The following ZC3H6 variants were observed in gnomAD, a reference collection of about 807,000 sequenced individuals.
ZC3H6 encodes zinc finger CCCH-type containing 6, also known as zinc finger CCCH domain-containing protein 6.
A neutral mutation model predicts 107.7 loss-of-function variants in ZC3H6; 40 were observed. That is an observed-to-expected ratio of 0.37 (90% confidence interval 0.29 to 0.48). The LOEUF (loss-of-function observed/expected upper bound fraction) is 0.48. Ranked by LOEUF, ZC3H6 falls within the 20% of genes least tolerant of loss-of-function variation. ZC3H6 has a pLI of 0.98. For missense variants in ZC3H6, 1,267 were observed against 1,410.4 expected (o/e 0.90, Z 1.63); for synonymous variants, 493 against 487.9 (o/e 1.01, Z -0.14).
Position 112,324,640 on chromosome 2 carries a change from T to A in ZC3H6, c.1829T>A (p.Phe610Tyr). 1.2e-6 allele frequency: 2 copies of A among 1,604,306 alleles called. No individual in the cohort carries two copies. Among genetic ancestry groups the A allele is most frequent in the Non-Finnish European group, 8.5e-7 (1 of 1,174,330 alleles). ...NYYAQHSIHN[F>Y]QPPNNSGDGM... ...TATGCACAGCATTCTATACATAATT[T>A]TCAGCCACCCAATAACTCTGGTGGT... Residue 610 changes from phenylalanine to tyrosine, a missense_variant, in exon 10 of 12, where the codon TTT (phenylalanine) becomes TAT (tyrosine). Transcript: ENST00000409871.
intron 7 of ZC3H6, among the ~76,000 whole-genome samples, chr2:112,318,229 A>C (rs1676738049): frequency 6.6e-6 from 1 of 152,252 alleles, no homozygotes; most frequent in South Asian, 2.1e-4. Flanking sequence ...TACCAGAGGA[A>C]TACATGATGA....
intron 11 of ZC3H6, among the ~76,000 whole-genome samples, chr2:112,326,695 C>T (rs1034292522): frequency 1.3e-5 from 2 of 152,172 alleles, no homozygotes; most frequent in African/African-American, 4.8e-5. Context: ...TCACTGCAAC[C>T]TCTCCCTCCC....
intron 1 of ZC3H6, among the ~76,000 whole-genome samples, chr2:112,276,869 T>G (rs1248618724): frequency 6.6e-6 from 1 of 152,226 alleles, no homozygotes; most frequent in African/African-American, 2.4e-5. Context: ...TTCATTAAAC[T>G]TACTGAAACA....
chr2:112,296,608 T>TA (rs1676240320), intron 1 of ZC3H6, among the ~76,000 whole-genome samples: 1 of 152,214 alleles, frequency 6.6e-6, no homozygotes, highest in African/African-American at 2.4e-5. Flanking sequence ...GACTGCCTCA[T>TA]AAGCAATTTT....
At chr2:112,303,386 G>A (rs1409484733) in intron 3 of ZC3H6, 35 bp downstream of exon 3, 4 of 1,536,188 alleles carry the variant, frequency 2.6e-6, no homozygotes, top group Non-Finnish European at 3.6e-6. Flanking sequence ...ATAAAACATA[G>A]ATAGCATAAA....
chr2:112,309,802 G>A (rs1338489599), intron 3 of ZC3H6, 83 bp from the exon 4 acceptor site: 3 of 1,364,918 alleles, frequency 2.2e-6, no homozygotes, highest in Non-Finnish European at 3.0e-6. Flanking sequence ...CAAACTTGCT[G>A]GGGGGAAAAG....
At chr2:112,317,905 A>G (rs1328683032) in intron 7 of ZC3H6, among the ~76,000 whole-genome samples, 1 of 152,188 alleles carries the variant, frequency 6.6e-6, no homozygotes, top group Non-Finnish European at 1.5e-5. Flanking sequence ...GCTCACTACG[A>G]CTTATGACTA....
chr2:112,296,098 G>C (rs1676226698), intron 1 of ZC3H6, among the ~76,000 whole-genome samples: 1 of 151,954 alleles, frequency 6.6e-6, no homozygotes, highest in South Asian at 2.1e-4. Context: ...TAACTTGATG[G>C]GTTTTTACAA....
chr2:112,278,978 A>T (rs72831685), intron 1 of ZC3H6, among the ~76,000 whole-genome samples: 16,521 of 152,078 alleles, frequency 0.11, 1,191 homozygotes, highest in Non-Finnish European at 0.16. Flanking sequence ...TGAATAATTT[A>T]AAAAAAATCC....
rs1038136491 is a variant in ZC3H6 at position 112,339,417 on chromosome 2, T to A, written c.*6929T>A. On this transcript the variant is annotated 3_prime_UTR_variant, in exon 12 of 12. Coordinates refer to ENST00000409871, the MANE Select transcript of ZC3H6 (RefSeq NM_198581.3). ...ACTCATTTGTATACTTGCCAAAGTTTAAAAGTTTTTTACATTCCTTACCCT... is the reference window on the plus strand; with the variant it reads ...ACTCATTTGTATACTTGCCAAAGTTAAAAAGTTTTTTACATTCCTTACCCT... 1 of 152,170 alleles carries A rather than the reference T, an allele frequency of 6.6e-6. No individual in the cohort carries two copies. The allele number at this position is 152,170 out of a possible 1,614,324, so 9.4% of individuals were successfully genotyped here.
intron 11 of ZC3H6, among the ~76,000 whole-genome samples, chr2:112,326,686 C>T (rs533864407): frequency 1.3e-5 from 2 of 152,290 alleles, no homozygotes; most frequent in African/African-American, 4.8e-5. Flanking sequence ...GATCTCGGCT[C>T]ACTGCAACCT....
At chr2:112,285,774 A>G (rs1686595368) in intron 1 of ZC3H6, among the ~76,000 whole-genome samples, 1 of 152,086 alleles carries the variant, frequency 6.6e-6, no homozygotes, top group African/African-American at 2.4e-5. Context: ...CAGCCTGGCT[A>G]ACATGGTGAA....
intron 5 of ZC3H6, among the ~76,000 whole-genome samples, chr2:112,315,780 G>T (rs955913545): frequency 1.3e-5 from 2 of 151,962 alleles, no homozygotes; most frequent in African/African-American, 4.8e-5. Flanking sequence ...TGTATTTTTA[G>T]TATGGACAGG....
intron 1 of ZC3H6, among the ~76,000 whole-genome samples, chr2:112,293,894 C>T (rs749383472): frequency 6.6e-6 from 1 of 152,144 alleles, no homozygotes; most frequent in Non-Finnish European, 1.5e-5. Context: ...TGAAACTAAA[C>T]GGGACCACAT....
At chr2:112,302,095 A>C (rs573911886) in intron 2 of ZC3H6, among the ~76,000 whole-genome samples, 1 of 152,140 alleles carries the variant, frequency 6.6e-6, no homozygotes, top group East Asian at 1.9e-4. Context: ...ACAAGGACCA[A>C]ATCTTTTCAG....
chr2:112,331,948 G>A lies in ZC3H6; in HGVS notation c.3030G>A (p.Gly1010=), dbSNP rs776017460. 5.6e-6 allele frequency: 9 copies of A among 1,613,910 alleles called. No individual in the cohort carries two copies. The highest frequency in any genetic ancestry group is 6.8e-6 in the Non-Finnish European group (8 of 1,179,872). ...ACCCTGGTTCATCACAGCCCTCAGG[G>A]GCAGGAACTAGCAATTCTGGTTCCG... The part of the protein sequence containing the change: ...RSNPGSSQPS[G]AGTSNSGSGA... The change falls in exon 12 of 12, where the codon GGG becomes GGA. Residue 1010 remains glycine, a synonymous_variant. Transcript: ENST00000409871.
At chr2:112,313,517 T>C (rs1046701078) in intron 5 of ZC3H6, among the ~76,000 whole-genome samples, 4 of 152,220 alleles carry the variant, frequency 2.6e-5, no homozygotes, top group African/African-American at 9.6e-5. Flanking sequence ...AATGAGGGTA[T>C]AGTATTAAGT....
At chr2:112,280,662 C>T (rs941028816) in intron 1 of ZC3H6, among the ~76,000 whole-genome samples, 3 of 152,022 alleles carry the variant, frequency 2.0e-5, no homozygotes, top group Non-Finnish European at 2.9e-5. Context: ...CAGATGAAGG[C>T]TTCTGGGAGA....
At chr2:112,298,290 A>G (rs971219192) in intron 1 of ZC3H6, among the ~76,000 whole-genome samples, 4 of 152,208 alleles carry the variant, frequency 2.6e-5, no homozygotes, top group African/African-American at 9.7e-5. Flanking sequence ...GGACGGTGAC[A>G]CAAACAGGCA....
Sources: allele counts gnomAD v4.1 joint callset (sites outside exome capture counted in the v4.1 genomes callset), GRCh38; gene constraint gnomAD v4.1.1; transcripts MANE v1.5; gene names NCBI Gene and HGNC (gene_info 2026-07-23, HGNC 2026-07-21).